The following ATP8B4 variants were observed in gnomAD, a reference collection of about 807,000 sequenced individuals.
ATP8B4 encodes the protein ATPase phospholipid transporting 8B4 (putative).
A neutral mutation model predicts 145.6 loss-of-function variants in ATP8B4; 133 were observed. That is an observed-to-expected ratio of 0.91 (90% confidence interval 0.79 to 1.05). The LOEUF is 1.05. ATP8B4 is among the 50% of genes least tolerant of loss of function. The pLI is 0.00. For synonymous variants in ATP8B4, 507 were observed against 492.9 expected, an observed-to-expected ratio of 1.03 and a Z score of -0.38; for missense variants, 1,458 against 1,425.2, an observed-to-expected ratio of 1.02 and a Z score of -0.37.
chr15:49,895,400 G>A (rs1310482430), intron 23 of ATP8B4: 1 of 152,180 alleles, frequency 6.6e-6, no homozygotes, highest in African/African-American at 2.4e-5. Context: ...AGAACCACTG[G>A]TCCAACCCAA....
intron 25 of ATP8B4, among the ~76,000 whole-genome samples, chr15:49,872,901 A>G (rs2153388559): frequency 6.6e-6 from 1 of 152,334 alleles, no homozygotes; most frequent in East Asian, 1.9e-4. Context: ...TGCTAATTTC[A>G]TAGTTTTAAC....
intron 14 of ATP8B4, among the ~76,000 whole-genome samples, chr15:49,948,368 G>C (rs1350080300): frequency 6.6e-6 from 1 of 151,930 alleles, no homozygotes; most frequent in Non-Finnish European, 1.5e-5. Flanking sequence ...AGAATTGTTT[G>C]AACCTGGCAG....
chr15:50,142,098 G>A (rs1205585689), intron 1 of ATP8B4, among the ~76,000 whole-genome samples: 1 of 152,154 alleles, frequency 6.6e-6, no homozygotes. Flanking sequence ...GTGTGTTCAG[G>A]GAATGCTGAG....
chr15:50,118,680 G>A (rs2057222728), intron 1 of ATP8B4, among the ~76,000 whole-genome samples: 1 of 152,098 alleles, frequency 6.6e-6, no homozygotes, highest in Non-Finnish European at 1.5e-5. Context: ...AAACCTCAGA[G>A]GGATAGCTCA....
At chr15:50,016,176 T>C (rs1262178117) in intron 6 of ATP8B4, among the ~76,000 whole-genome samples, 2 of 152,196 alleles carry the variant, frequency 1.3e-5, no homozygotes, top group African/African-American at 2.4e-5. Context: ...TGCTGAATGT[T>C]TTACAGGAAA....
intron 23 of ATP8B4, among the ~76,000 whole-genome samples, chr15:49,884,628 AAAAG>A (rs1465102277): frequency 6.6e-6 from 1 of 151,540 alleles, no homozygotes; most frequent in East Asian, 1.9e-4. Context: ...AAAAAAAAAA[AAAAG>A]AAAGTTTCCT....
chr15:50,103,970 A>G (rs539882487), intron 2 of ATP8B4, among the ~76,000 whole-genome samples: 14 of 152,182 alleles, frequency 9.2e-5, no homozygotes, highest in African/African-American at 3.1e-4. Flanking sequence ...AAACAAAATC[A>G]TCAATGGGGG....
chr15:49,996,812 T>C, intron 8 of ATP8B4, 53 bp from the exon 9 acceptor site: 2 of 1,449,650 alleles, frequency 1.4e-6, no homozygotes, highest in Non-Finnish European at 9.6e-7. Flanking sequence ...CCCAACAGCA[T>C]CCTACCAAAG....
intron 1 of ATP8B4, among the ~76,000 whole-genome samples, chr15:50,167,671 A>G (rs536339213): frequency 1.3e-5 from 2 of 152,332 alleles, no homozygotes; most frequent in Admixed American, 6.5e-5. Flanking sequence ...TTAGCATATC[A>G]GCACTTAACT....
intron 1 of ATP8B4, among the ~76,000 whole-genome samples, chr15:50,173,194 G>A (rs2044713090): frequency 6.6e-6 from 1 of 151,966 alleles, no homozygotes; most frequent in South Asian, 2.1e-4. Context: ...TCTGGGAGGT[G>A]TACCCAACAG....
chr15:50,107,212 C>T (rs150927034), intron 1 of ATP8B4, among the ~76,000 whole-genome samples: 18 of 152,262 alleles, frequency 1.2e-4, no homozygotes, highest in African/African-American at 4.1e-4. Flanking sequence ...TTTTAAAGGC[C>T]GTATGAGACA....
rs75090214 is a variant in ATP8B4 at position 50,112,265 on chromosome 15, G to C, written c.-42-5257C>G. 2.9e-3 allele frequency among the ~76,000 whole-genome samples: 446 copies of C among 152,260 alleles called. 1 individual carries two copies. Among genetic ancestry groups the C allele is most frequent in the African/African-American group, 0.01 (426 of 41,562 alleles). ...CAGGAAAAAGCACAGGCAGAGCCTT[G>C]GCAGCCCCCCTTGCTGGCCCAGAGA... On this transcript the variant is annotated intron_variant, in intron 1 of 27. Coordinates refer to ENST00000284509, the MANE Select transcript of ATP8B4 (RefSeq NM_024837.4).
chr15:50,085,865 TATC>T (rs970428567), intron 2 of ATP8B4, among the ~76,000 whole-genome samples: 1 of 54,710 alleles, frequency 1.8e-5, no homozygotes, highest in African/African-American at 8.7e-5. Flanking sequence ...ATAATAAACG[TATC>T]ATATATATTT....
chr15:49,996,910 T>C, intron 8 of ATP8B4, 151 bp from the exon 9 acceptor site: 1 of 585,564 alleles, frequency 1.7e-6, no homozygotes. Flanking sequence ...CGCTCACTGT[T>C]TCAGGAAAGT....
intron 6 of ATP8B4, among the ~76,000 whole-genome samples, chr15:50,023,599 TAGAA>T (rs760868057): frequency 6.6e-6 from 1 of 151,712 alleles, no homozygotes; most frequent in African/African-American, 2.4e-5. Flanking sequence ...TCTTCATCCT[TAGAA>T]AGAGAGTAAG....
intron 1 of ATP8B4, among the ~76,000 whole-genome samples, chr15:50,167,381 T>C (rs145703384): frequency 2.6e-5 from 4 of 152,288 alleles, no homozygotes; most frequent in Non-Finnish European, 4.4e-5. Context: ...TACCTTTTAG[T>C]GCCTGCTAGC....
At chr15:49,870,146 T>G (rs2033453993) in intron 25 of ATP8B4, among the ~76,000 whole-genome samples, 1 of 152,226 alleles carries the variant, frequency 6.6e-6, no homozygotes, top group Non-Finnish European at 1.5e-5. Context: ...TACATTCATA[T>G]TATGAATTTC....
intron 23 of ATP8B4, among the ~76,000 whole-genome samples, chr15:49,885,126 CAG>C (rs1396936520): frequency 6.6e-6 from 1 of 152,200 alleles, no homozygotes; most frequent in African/African-American, 2.4e-5. Flanking sequence ...CCCTGCCTGC[CAG>C]ACTCTTCAAC....
intron 14 of ATP8B4, among the ~76,000 whole-genome samples, chr15:49,959,986 A>T (rs1281982828): frequency 1.3e-5 from 2 of 151,934 alleles, no homozygotes; most frequent in Non-Finnish European, 2.9e-5. Context: ...AAAAACAACC[A>T]GTCTTACCAA....
Sources: allele counts gnomAD v4.1 joint callset (sites outside exome capture counted in the v4.1 genomes callset), GRCh38; gene constraint gnomAD v4.1.1; transcripts MANE v1.5; gene names NCBI Gene and HGNC (gene_info 2026-07-23, HGNC 2026-07-21).